Variants in DDR1 observed in about 807,000 individuals in gnomAD.
The protein encoded by DDR1 is discoidin domain receptor tyrosine kinase 1, also known as epithelial discoidin domain-containing receptor 1.
A neutral mutation model predicts 97.4 loss-of-function variants in DDR1; 64 were observed. That is an observed-to-expected ratio of 0.66 (90% CI 0.54 to 0.81). DDR1 has a LOEUF of 0.81. Ranked by LOEUF, DDR1 falls within the 30% of genes least tolerant of loss-of-function variation. DDR1 has a pLI of 0.00. For missense variants in DDR1, 990 were observed against 1,259.6 expected (o/e 0.79, Z 3.24); for synonymous variants, 458 against 503.7 (o/e 0.91, Z 1.21).
rs1242425400 is a variant in DDR1 at position 30,894,932 on chromosome 6, A to G, written c.1513+261A>G. On this transcript the variant is annotated intron_variant, in intron 11 of 17. Coordinates refer to ENST00000376568, the MANE Select transcript of DDR1 (RefSeq NM_001297654.2). The surrounding 1 kb of genome is among the most constrained non-coding windows in gnomAD (Gnocchi z 5.7). ...CTCTCTATCTTTGTTGTACCCTCTC[A>G]TTGTGTCTCCCTGGCCCCTTTGCTT... is the stretch of plus-strand genomic sequence containing the variant. Among the ~76,000 whole-genome samples, 1 of 151,718 alleles carries G rather than the reference A, an allele frequency of 6.6e-6. No homozygotes were observed. Among genetic ancestry groups the G allele is most frequent in the Non-Finnish European group, 1.5e-5 (1 of 67,914 alleles).
chr6:30,895,052 C>A (rs1452308802), intron 11 of DDR1, among the ~76,000 whole-genome samples: 2 of 152,122 alleles, frequency 1.3e-5, no homozygotes, highest in Non-Finnish European at 2.9e-5. Context: ...CATCAATCTT[C>A]CATCATCTGT....
chr6:30,883,446 A>G (rs1442686549), upstream of DDR1: 2 of 152,720 alleles, frequency 1.3e-5, no homozygotes, highest in African/African-American at 4.8e-5. This position sits in a 1 kb window ranked among gnomAD's most constrained non-coding sequence, Gnocchi z 4.9. Context: ...TAGCTCTCTC[A>G]GTTGCTTTGC....
Position 30,890,257 on chromosome 6 carries a change from A to G in DDR1, c.418-716A>G, listed in dbSNP as rs1015794294. ...TCAGCCTGACCTGGCTCCTGCCTGC[A>G]TCACTTGTTTCTTGGCGCCTCCTTG... On this transcript the variant is annotated intron_variant, in intron 4 of 17. Transcript: ENST00000376568. The surrounding 1 kb of genome is among the most constrained non-coding windows in gnomAD (Gnocchi z 5.0). Among the ~76,000 whole-genome samples, 2 of 152,110 alleles carry G rather than the reference A, an allele frequency of 1.3e-5. No individual in the cohort carries two copies. Among genetic ancestry groups the G allele is most frequent in the African/African-American group, 2.4e-5 (1 of 41,402 alleles).
At chr6:30,884,280 G>C (rs1784920158), upstream of DDR1, 5 of 151,990 alleles carry the variant, frequency 3.3e-5, no homozygotes, top group South Asian at 8.9e-4. The surrounding 1 kb of genome is among the most constrained non-coding windows in gnomAD (Gnocchi z 6.1). Flanking sequence ...GGTTACCTGG[G>C]GGAGGCCGGG....
In DDR1 at chr6:30,897,309, G is replaced by GGGTGGGGGCGCGGGGGAA; in HGVS notation, c.1998-65_1998-48dup. 6.7e-7 allele frequency: 1 copy of GGGTGGGGGCGCGGGGGAA among 1,485,854 alleles called. No individual in the cohort carries two copies. The highest frequency in any genetic ancestry group is 9.1e-7 in the Non-Finnish European group (1 of 1,096,282). 92.0% of individuals were successfully genotyped at this position (1,485,854 alleles called of 1,614,324 possible). On this transcript the variant is annotated intron_variant, in intron 14 of 17. Transcript: ENST00000376568. The surrounding 1 kb of genome is among the most constrained non-coding windows in gnomAD (Gnocchi z 5.2). ...CTGGTCTGCCTGAGGTGGGGCAGGG[G>GGGTGGGGGCGCGGGGGAA]GGTGGGGGCGCGGGGGAAGGTGCAG...
At position 30,898,043 on chromosome 6, in the gene DDR1, C is replaced by G. The variant is rs73727120; in HGVS notation, c.2217-30C>G. 2.0e-5 allele frequency: 31 copies of G among 1,562,886 alleles called. No individual in the cohort carries two copies. The Middle Eastern group carries it at 6.7e-4, about 34-fold the overall frequency. On this transcript the variant is annotated intron_variant, in intron 15 of 17. Coordinates refer to ENST00000376568, the MANE Select transcript of DDR1 (RefSeq NM_001297654.2). ...TGGATGGGAATCTGCGAAGCTGCCCCCAGTGACCTTCTGTCGGTTCCCTTC... is the reference window on the plus strand; with the variant it reads ...TGGATGGGAATCTGCGAAGCTGCCCGCAGTGACCTTCTGTCGGTTCCCTTC...
chr6:30,891,179 G>C lies in DDR1; in HGVS notation c.565+59G>C, dbSNP rs777193846. ...TGAGCAGGGGACTGGAGGGTGGGGA[G>C]TGTGGAGAATGGGCATCCAGGATCC... On this transcript the variant is annotated intron_variant, in intron 5 of 17. Coordinates refer to ENST00000376568, the MANE Select transcript of DDR1 (RefSeq NM_001297654.2). The surrounding 1 kb of genome is among the most constrained non-coding windows in gnomAD (Gnocchi z 5.3). The C allele has an allele frequency of 1.9e-6, 3 of 1,602,790 alleles. No individual in the cohort carries two copies. Among genetic ancestry groups the C allele is most frequent in the Non-Finnish European group, 2.6e-6 (3 of 1,175,242 alleles).
In DDR1 at chr6:30,888,625, T is replaced by C; in HGVS notation, c.-42-63T>C. On this transcript the variant is annotated intron_variant, in intron 1 of 17. Coordinates refer to ENST00000376568, the MANE Select transcript of DDR1 (RefSeq NM_001297654.2). This position sits in a 1 kb window ranked among gnomAD's most constrained non-coding sequence, Gnocchi z 4.2. The stretch of plus-strand genomic sequence containing the variant: ...TCCCCAAAGCGGCCCATTCTGTCTG[T>C]TGCTGTCAGCTATGACTCAGTCCCC... The C allele has an allele frequency of 6.5e-7, 1 of 1,536,666 alleles. No homozygotes were observed. The highest frequency in any genetic ancestry group is 1.2e-5 in the South Asian group (1 of 83,972).
At chr6:30,895,168 C>T (rs1790250997) in intron 11 of DDR1, among the ~76,000 whole-genome samples, 1 of 152,174 alleles carries the variant, frequency 6.6e-6, no homozygotes, top group Admixed American at 6.5e-5. Context: ...ATCTGTTATC[C>T]ATCCATCCAA....
chr6:30,895,336 G>C (rs1259360510), intron 11 of DDR1, 68 bp from the exon 12 acceptor site: 1 of 1,208,880 alleles, frequency 8.3e-7, no homozygotes, highest in African/African-American at 1.5e-5. Context: ...CCTATTCAAG[G>C]TCTCCCTGTC....
chr6:30,885,284 A>G (rs1785382547), intron 1 of DDR1: 1 of 1,526,216 alleles, frequency 6.6e-7, no homozygotes, highest in South Asian at 1.2e-5. Flanking sequence ...TTGGCTGAAC[A>G]TTTCTTCCCA....
Position 30,885,924 on chromosome 6 carries a change from C to T in DDR1, c.-43+1214C>T. On this transcript the variant is annotated intron_variant, in intron 1 of 17. Transcript: ENST00000376568. Reference sequence around the variant, plus strand: ...AAGGGCTTGAGGCAGGGTGGCCTGGCCCCTGGTTTGTCTTTGGTTGTAATG... The same window carrying T: ...AAGGGCTTGAGGCAGGGTGGCCTGGTCCCTGGTTTGTCTTTGGTTGTAATG... 8.1e-6 allele frequency: 7 copies of T among 862,548 alleles called. No homozygotes were observed. The East Asian group carries it at 3.8e-4, about 46-fold the overall frequency. The allele number at this position is 862,548 out of a possible 1,614,324, so 53.4% of individuals were successfully genotyped here. A position where few individuals can be genotyped will look rare whatever the true frequency, so the allele number is the denominator to read the frequency against.
rs1328105197 is a variant in DDR1, at chr6:30,891,983, T to G, written c.666-19T>G. 1.9e-6 allele frequency: 3 copies of G among 1,613,124 alleles called. No individual in the cohort carries two copies. Among genetic ancestry groups the G allele is most frequent in the Admixed American group, 1.7e-5 (1 of 59,978 alleles). ...CTCTTCCCTTCCAACCTCCTCTTCC[T>G]TGGTCCCCTCTTCTCCAGACTGCAG... On this transcript the variant is annotated intron_variant, in intron 6 of 17. Coordinates refer to ENST00000376568, the MANE Select transcript of DDR1 (RefSeq NM_001297654.2). This position sits in a 1 kb window ranked among gnomAD's most constrained non-coding sequence, Gnocchi z 5.3.
rs1787426290 is a variant in DDR1 at position 30,889,976 on chromosome 6, A to G, written c.417+546A>G. Among the ~76,000 whole-genome samples the G allele has an allele frequency of 6.6e-6, 1 of 152,022 alleles. No individual in the cohort carries two copies. The highest frequency in any genetic ancestry group is 1.5e-5 in the Non-Finnish European group (1 of 68,008). ...CTACCTCCATAGTGTTCCTGAGTCC[A>G]GTCACTCCTCACCACTCCACCTCTA... On this transcript the variant is annotated intron_variant, in intron 4 of 17. Transcript: ENST00000376568. This position sits in a 1 kb window ranked among gnomAD's most constrained non-coding sequence, Gnocchi z 4.9.
rs373096579 is a variant in DDR1 at position 30,896,608 on chromosome 6, C to G, written c.1625-13C>G. On this transcript the variant is annotated splice_polypyrimidine_tract_variant and intron_variant, in intron 12 of 17. Coordinates refer to ENST00000376568, the MANE Select transcript of DDR1 (RefSeq NM_001297654.2). The stretch of plus-strand genomic sequence containing the variant: ...GATGCCTCGTCCTGTCTTCTTTCCC[C>G]TCACCCCTGCAGCCTACAGTGGGGA... The G allele has an allele frequency of 1.9e-6, 3 of 1,609,438 alleles. No homozygotes were observed. Among genetic ancestry groups the G allele is most frequent in the Non-Finnish European group, 2.5e-6 (3 of 1,178,040 alleles).
chr6:30,881,797 C>G (rs1354994188), upstream of DDR1: 1 of 153,118 alleles, frequency 6.5e-6, no homozygotes, highest in Non-Finnish European at 1.5e-5. Context: ...GCCTTGACCT[C>G]AGTCCATCTC....
At chr6:30,887,484 G>T (rs149114144) in intron 1 of DDR1, among the ~76,000 whole-genome samples, 1 of 152,058 alleles carries the variant, frequency 6.6e-6, no homozygotes, top group Non-Finnish European at 1.5e-5. Context: ...GTACACACAG[G>T]TATATATACA....
chr6:30,881,769 C>G (rs1784361980), upstream of DDR1, among the ~76,000 whole-genome samples: 1 of 152,182 alleles, frequency 6.6e-6, no homozygotes, highest in Non-Finnish European at 1.5e-5. Context: ...CTTTTCCTCT[C>G]TCAGACCTGT....
chr6:30,895,866 G>T (rs1321415308), intron 12 of DDR1, among the ~76,000 whole-genome samples: 1 of 152,110 alleles, frequency 6.6e-6, no homozygotes, highest in Non-Finnish European at 1.5e-5. Context: ...CTGCGAGGAG[G>T]AGGGCTCTCA....
Sources: gnomAD v4.1 joint callset for allele counts (sites outside exome capture counted in the v4.1 genomes callset) on GRCh38, gnomAD v4.1.1 for gene constraint, Gnocchi (gnomAD v3.1) non-coding constraint, MANE v1.5 for transcripts, NCBI Gene and HGNC (gene_info 2026-07-23, HGNC 2026-07-21) for gene names.